Variants in DCHS2 observed in about 807,000 individuals in gnomAD.
The protein encoded by DCHS2 is dachsous cadherin-related 2.
In DCHS2, 142 loss-of-function variants were observed where a neutral mutation model predicts 182.4. The observed-to-expected ratio is 0.78, with a 90% CI of 0.68 to 0.89. The LOEUF is 0.89. Among genes scored for constraint, DCHS2 ranks in the 40% least tolerant of loss-of-function variants. The probability of loss-of-function intolerance (pLI) is 0.00; values close to 1 mark genes in which losing one functional copy is unlikely to be tolerated. For missense variants in DCHS2, 4,319 were observed against 4,198.6 expected, an observed-to-expected ratio of 1.03 and a Z score of -0.79; for synonymous variants, 1,740 against 1,663.3, an observed-to-expected ratio of 1.05 and a Z score of -1.12.
intron 16 of DCHS2, among the ~76,000 whole-genome samples, chr4:154,251,054 G>T (rs1373964286): frequency 6.6e-6 from 1 of 152,120 alleles, no homozygotes; most frequent in Non-Finnish European, 1.5e-5. Flanking sequence ...GGCATCAATA[G>T]ACTGGGATTC....
At chr4:154,348,998 G>A (rs1729482486) in intron 3 of DCHS2, among the ~76,000 whole-genome samples, 1 of 151,944 alleles carries the variant, frequency 6.6e-6, no homozygotes, top group African/African-American at 2.4e-5. Flanking sequence ...TTTGTGAAAT[G>A]GAGATAAAAC....
At chr4:154,457,935 T>C (rs1734841887) in intron 1 of DCHS2, among the ~76,000 whole-genome samples, 1 of 152,252 alleles carries the variant, frequency 6.6e-6, no homozygotes, top group Non-Finnish European at 1.5e-5. Flanking sequence ...CACTCTACTA[T>C]TGTAATTACA....
rs1305283829 is a variant in DCHS2, at chr4:154,409,295, C to G, written c.2053-31851G>C. On this transcript the variant is annotated intron_variant, in intron 1 of 19. Transcript: ENST00000357232. The stretch of plus-strand genomic sequence containing the variant: ...TCCTTGCTGCTGCCATACTTGACCC[C>G]ACAGAATCTGAGATACTGCCATGTC... Among the ~76,000 whole-genome samples the G allele has an allele frequency of 2.0e-5, 3 of 152,122 alleles. No homozygotes were observed. The South Asian group carries it at 6.2e-4, about 32-fold the overall frequency.
At chr4:154,435,847 G>T (rs1733757629) in intron 1 of DCHS2, among the ~76,000 whole-genome samples, 1 of 152,178 alleles carries the variant, frequency 6.6e-6, no homozygotes, top group African/African-American at 2.4e-5. Flanking sequence ...GTTAGTGCCA[G>T]TATTATTTGA....
In DCHS2 at chr4:154,245,214, A is replaced by G. The variant is rs1221416037; in HGVS notation, c.6942-2442T>C. ...TCTGCAAGACTTCAAGCCATCTATG[A>G]TGGCTCTTTCGCAGTTGTGAAACTG... On this transcript the variant is annotated intron_variant, in intron 16 of 19. Transcript: ENST00000357232. 2.0e-5 allele frequency among the ~76,000 whole-genome samples: 3 copies of G among 152,180 alleles called. No homozygotes were observed. The East Asian group carries it at 5.8e-4, about 29-fold the overall frequency.
intron 3 of DCHS2, among the ~76,000 whole-genome samples, chr4:154,344,277 C>T (rs1309286032): frequency 6.6e-6 from 1 of 152,042 alleles, no homozygotes; most frequent in African/African-American, 2.4e-5. Flanking sequence ...CAAAGTGTCC[C>T]CATAACACTA....
intron 17 of DCHS2, 134 bp downstream of exon 17, chr4:154,242,508 T>G: frequency 1.5e-6 from 2 of 1,304,182 alleles, no homozygotes; most frequent in Middle Eastern, 2.7e-4. Flanking sequence ...TTCTGCAAAA[T>G]GAAGACAAAA....
intron 1 of DCHS2, among the ~76,000 whole-genome samples, chr4:154,482,214 G>T (rs1169457242): frequency 1.3e-5 from 2 of 152,162 alleles, no homozygotes; most frequent in Non-Finnish European, 2.9e-5. Flanking sequence ...ATACTATTTT[G>T]ATTGATTCAA....
chr4:154,388,799 C>T (rs1731539132), intron 1 of DCHS2, among the ~76,000 whole-genome samples: 1 of 152,006 alleles, frequency 6.6e-6, no homozygotes, highest in Non-Finnish European at 1.5e-5. Context: ...CGGCCAAATA[C>T]ATGTAATTTT....
intron 3 of DCHS2, among the ~76,000 whole-genome samples, chr4:154,340,514 C>T (rs1178702199): frequency 2.0e-5 from 3 of 152,112 alleles, no homozygotes; most frequent in African/African-American, 7.2e-5. Flanking sequence ...CTCCAAATCC[C>T]CAAACTGGCA....
rs1318066751 is a variant in DCHS2, at chr4:154,333,060, T to A, written c.3148A>T (p.Thr1050Ser). The part of the protein sequence containing the change: ...SLGAGEQREL[T>S]LTLRAEDQGV... ...TGGTCCTCGGCCCTGAGAGTCAGCGTGAGCTCCCGCTGCTCGCCCGCGCCC... is the reference window on the plus strand; with the variant it reads ...TGGTCCTCGGCCCTGAGAGTCAGCGAGAGCTCCCGCTGCTCGCCCGCGCCC... Residue 1050 changes from threonine (T) to serine (S), a missense_variant, in exon 5 of 20, where the codon ACG becomes TCG. By Grantham distance (58) the Thr-to-Ser change is moderately conservative. Transcript: ENST00000357232. The A allele has an allele frequency of 1.2e-6, 2 of 1,613,914 alleles. No individual in the cohort carries two copies. Among genetic ancestry groups the A allele is most frequent in the Non-Finnish European group, 1.7e-6 (2 of 1,179,960 alleles).
chr4:154,490,726 G>A lies in DCHS2; in HGVS notation c.630C>T (p.Ser210=). The stretch of plus-strand genomic sequence containing the variant: ...GGCCTGCGGGGTCCTTGGGCAGGTC[G>A]GACGGTTGCACCAGGGTGTAGCCCT... ...STQGYTLVQP[S]DLPKDPAGPF... The change falls in exon 1 of 20, where the codon TCC becomes TCT. Residue 210 remains serine, a synonymous_variant. Transcript: ENST00000357232. The A allele has an allele frequency of 6.4e-7, 1 of 1,551,620 alleles. No homozygotes were observed. Among genetic ancestry groups the A allele is most frequent in the Non-Finnish European group, 8.7e-7 (1 of 1,146,914 alleles).
chr4:154,236,078 AC>A lies in DCHS2; in HGVS notation c.8573del (p.Gly2858ValfsTer7). On this transcript the variant is annotated frameshift_variant, in exon 20 of 20. Transcript: ENST00000357232. LOFTEE classifies it low-confidence loss of function (END_TRUNC). ...YCLTVQAKDK[G>X]DATASLVVWV... ...AGACCACTAAGGAGGCAGTTGCATC[AC>A]CTTTGTCTTTGGCTTGGACTGTGAG... The A allele has an allele frequency of 6.2e-7, 1 of 1,613,724 alleles. No homozygotes were observed. The highest frequency in any genetic ancestry group is 8.5e-7 in the Non-Finnish European group (1 of 1,179,926).
At chr4:154,301,601 G>C (rs751783882) in intron 12 of DCHS2, among the ~76,000 whole-genome samples, 3 of 152,124 alleles carry the variant, frequency 2.0e-5, no homozygotes, top group Non-Finnish European at 4.4e-5. Context: ...TGCCTACCGG[G>C]TTCAAGCGAT....
At chr4:154,402,894 C>T (rs985458075) in intron 1 of DCHS2, among the ~76,000 whole-genome samples, 37 of 152,104 alleles carry the variant, frequency 2.4e-4, no homozygotes, top group African/African-American at 8.0e-4. Context: ...TACAAGTCCT[C>T]GTGCATTTTA....
chr4:154,488,367 A>G (rs1022802012), intron 1 of DCHS2, among the ~76,000 whole-genome samples: 2 of 152,154 alleles, frequency 1.3e-5, no homozygotes, highest in African/African-American at 4.8e-5. Flanking sequence ...ACTGCCCCTC[A>G]GAGTCCTGAA....
chr4:154,237,051 A>G lies in DCHS2; in HGVS notation c.7601T>C (p.Leu2534Ser). The change falls in exon 20 of 20, where the codon TTA (leucine) becomes TCA (serine). Residue 2534 changes from leucine to serine, a missense_variant. Transcript: ENST00000357232. ...CATATCTTCTATTCCTATCTCCACT[A>G]AAGTAAGAGCTCTCAGGTCAGGATT... ...GGNPDLRALT[L>S]VEIGIEDMNN... 1 of 1,613,954 alleles carries G rather than the reference A, an allele frequency of 6.2e-7. No homozygotes were observed. Among genetic ancestry groups the G allele is most frequent in the Non-Finnish European group, 8.5e-7 (1 of 1,179,906 alleles).
chr4:154,448,755 C>T (rs1293413209), intron 1 of DCHS2, among the ~76,000 whole-genome samples: 1 of 152,204 alleles, frequency 6.6e-6, no homozygotes, highest in African/African-American at 2.4e-5. Flanking sequence ...TCTCTGTTTC[C>T]TCTGGCTGAG....
chr4:154,332,942 T>A lies in DCHS2; in HGVS notation c.3266A>T (p.Tyr1089Phe). ...GAGAGACTCACTGACTTCCACTTGA[T>A]AGACCAAATGTTCGAAAGTCCAGGA... The part of the protein sequence containing the change: ...SPSWTFEHLV[Y>F]QVEVSESLSP... Residue 1089 changes from tyrosine (Y) to phenylalanine (F), a missense_variant, in exon 5 of 20, where the codon TAT becomes TTT. By Grantham distance (22) the Tyr-to-Phe change is conservative. Coordinates refer to ENST00000357232, the MANE Select transcript of DCHS2 (RefSeq NM_001358235.2). The A allele has an allele frequency of 6.2e-7, 1 of 1,614,204 alleles. No individual in the cohort carries two copies. The highest frequency in any genetic ancestry group is 8.5e-7 in the Non-Finnish European group (1 of 1,180,036).
Sources: gnomAD v4.1 joint callset for allele counts (sites outside exome capture counted in the v4.1 genomes callset) on GRCh38, gnomAD v4.1.1 for gene constraint, MANE v1.5 for transcripts, NCBI Gene and HGNC (gene_info 2026-07-23, HGNC 2026-07-21) for gene names.